The following USP37 variants were observed in gnomAD, a reference collection of about 807,000 sequenced individuals.
The protein encoded by USP37 is ubiquitin carboxyl-terminal hydrolase 37.
A neutral mutation model predicts 124.0 loss-of-function variants in USP37; 27 were observed. The observed-to-expected ratio is 0.22, with a 90% CI of 0.16 to 0.30. The LOEUF is 0.30. USP37 is among the 10% of genes least tolerant of loss of function. The pLI is 1.00. For missense variants in USP37, 889 were observed against 1,140.4 expected, an observed-to-expected ratio of 0.78 and a Z score of 3.17; for synonymous variants, 365 against 388.0, an observed-to-expected ratio of 0.94 and a Z score of 0.70.
At chr2:218,560,160 C>A (rs547040722) in intron 3 of USP37, among the ~76,000 whole-genome samples, 2 of 152,006 alleles carry the variant, frequency 1.3e-5, no homozygotes, top group Non-Finnish European at 2.9e-5. Context: ...TTTAAAATTG[C>A]GAACTCAAAT....
In USP37 at chr2:218,452,098, A is replaced by G. The variant is rs1689500203; in HGVS notation, c.*2832T>C. The G allele has an allele frequency of 6.6e-6, 1 of 152,558 alleles. No individual in the cohort carries two copies. 9.5% of individuals were successfully genotyped at this position (152,558 alleles called of 1,614,324 possible). A position where few individuals can be genotyped will look rare whatever the true frequency, so the allele number is the denominator to read the frequency against. ...TCAGTACTATTAGGTGATTAAAATC[A>G]ACAAATATGAAGTTTAGTTCATTTT... On this transcript the variant is annotated 3_prime_UTR_variant, in exon 26 of 26. Coordinates refer to ENST00000258399, the MANE Select transcript of USP37 (RefSeq NM_020935.3).
chr2:218,467,725 C>T (rs559763407), intron 20 of USP37, among the ~76,000 whole-genome samples: 196 of 152,198 alleles, frequency 1.3e-3, no homozygotes, highest in South Asian at 0.011. Flanking sequence ...CTCAGGTGAT[C>T]CACCTGCCTT....
At chr2:218,515,982 A>G (rs1234260481) in intron 10 of USP37, among the ~76,000 whole-genome samples, 1 of 152,226 alleles carries the variant, frequency 6.6e-6, no homozygotes, top group Non-Finnish European at 1.5e-5. Flanking sequence ...CAAAACCACA[A>G]TGAGATACCA....
rs1191170090 is a variant in USP37 at position 218,564,829 on chromosome 2, TTG to T, written c.-229-2018_-229-2017del. Among the ~76,000 whole-genome samples the T allele has an allele frequency of 3.3e-5, 5 of 152,340 alleles. No individual in the cohort carries two copies. The East Asian group carries it at 9.6e-4, about 29-fold the overall frequency. ...TAGAAAATAAAATAAATCCAAATGCTTGTGTTTGGTATTCATACACCTCCATT... is the reference window on the plus strand; with the variant it reads ...TAGAAAATAAAATAAATCCAAATGCTTGTTTGGTATTCATACACCTCCATT... On this transcript the variant is annotated intron_variant, in intron 1 of 25. Coordinates refer to ENST00000258399, the MANE Select transcript of USP37 (RefSeq NM_020935.3).
chr2:218,454,896 T>C lies in USP37; in HGVS notation c.*34A>G, dbSNP rs1689607484. The stretch of plus-strand genomic sequence containing the variant: ...GTGAGGTGGGCAGCAGTAACAAATA[T>C]GCAGTGCATGCTGCCAACCCAGGAG... On this transcript the variant is annotated 3_prime_UTR_variant, in exon 26 of 26. Transcript: ENST00000258399. The C allele has an allele frequency of 1.2e-6, 2 of 1,608,652 alleles. No homozygotes were observed. The highest frequency in any genetic ancestry group is 1.3e-5 in the African/African-American group (1 of 74,502).
chr2:218,560,505 T>C (rs1693251677), intron 3 of USP37, among the ~76,000 whole-genome samples: 1 of 152,220 alleles, frequency 6.6e-6, no homozygotes, highest in Non-Finnish European at 1.5e-5. Context: ...ATGTCTGTTT[T>C]CTGAATTTAT....
chr2:218,493,433 C>T (rs978536387), intron 14 of USP37, among the ~76,000 whole-genome samples: 2 of 152,144 alleles, frequency 1.3e-5, no homozygotes, highest in African/African-American at 4.8e-5. Context: ...TGCCTAACAC[C>T]ACTGGCACAG....
chr2:218,489,518 G>A (rs1691796385), intron 14 of USP37, among the ~76,000 whole-genome samples: 1 of 151,596 alleles, frequency 6.6e-6, no homozygotes, highest in Non-Finnish European at 1.5e-5. Context: ...TTCTGCTTTT[G>A]TTGCCCAAGC....
chr2:218,488,729 G>A (rs763024938), intron 14 of USP37, among the ~76,000 whole-genome samples: 9 of 152,010 alleles, frequency 5.9e-5, no homozygotes, highest in Non-Finnish European at 1.2e-4. Context: ...TCCGCCTCCC[G>A]GGTTCAAGCG....
chr2:218,544,680 G>C (rs939636364), intron 8 of USP37, among the ~76,000 whole-genome samples: 4 of 152,096 alleles, frequency 2.6e-5, no homozygotes, highest in East Asian at 1.9e-4. Flanking sequence ...CCAGACAACA[G>C]AATCAGACTG....
At chr2:218,543,195 A>C (rs555124877) in intron 8 of USP37, among the ~76,000 whole-genome samples, 2 of 152,294 alleles carry the variant, frequency 1.3e-5, no homozygotes, top group South Asian at 4.2e-4. Flanking sequence ...ATCAGCTTGC[A>C]ATCAGTGATG....
chr2:218,538,960 T>C (rs556298729), intron 8 of USP37, among the ~76,000 whole-genome samples: 1 of 152,072 alleles, frequency 6.6e-6, no homozygotes, highest in Admixed American at 6.5e-5. Context: ...ACAAATTTAA[T>C]GCTACTTTAT....
chr2:218,548,683 A>G (rs1692507657), intron 6 of USP37, among the ~76,000 whole-genome samples: 1 of 151,926 alleles, frequency 6.6e-6, no homozygotes, highest in Admixed American at 6.6e-5. Context: ...TATTATAAAT[A>G]TGTATAAATA....
chr2:218,457,242 C>G lies in USP37; in HGVS notation c.2644-81G>C, dbSNP rs1689748100. 1.6e-5 allele frequency: 22 copies of G among 1,358,504 alleles called. No individual in the cohort carries two copies. In the South Asian group the frequency reaches 2.0e-4, roughly 12 times the overall value. The allele number at this position is 1,358,504 out of a possible 1,614,324, so 84.2% of individuals were successfully genotyped here. ...ACTGAATATAAATTTATTATCAAAGCTGACATGGCTAAGCTTTGGTATGTG... is the reference window on the plus strand; with the variant it reads ...ACTGAATATAAATTTATTATCAAAGGTGACATGGCTAAGCTTTGGTATGTG... On this transcript the variant is annotated intron_variant, in intron 23 of 25. Coordinates refer to ENST00000258399, the MANE Select transcript of USP37 (RefSeq NM_020935.3).
intron 11 of USP37, among the ~76,000 whole-genome samples, chr2:218,508,563 T>C (rs1241945111): frequency 6.6e-6 from 1 of 151,920 alleles, no homozygotes; most frequent in African/African-American, 2.4e-5. Context: ...AAGATCAGGG[T>C]AGACAGAGAC....
At chr2:218,533,682 C>G (rs1296252964) in intron 9 of USP37, among the ~76,000 whole-genome samples, 1 of 152,132 alleles carries the variant, frequency 6.6e-6, no homozygotes, top group Non-Finnish European at 1.5e-5. Context: ...GAGTCAATGT[C>G]ACAATCCCAA....
At chr2:218,496,123 A>T (rs1459460945) in intron 13 of USP37, among the ~76,000 whole-genome samples, 173 bp from the exon 14 acceptor site, 2 of 152,102 alleles carry the variant, frequency 1.3e-5, no homozygotes, top group African/African-American at 2.4e-5. Context: ...GTGAAATGCC[A>T]TCTTTATTAA....
intron 14 of USP37, among the ~76,000 whole-genome samples, chr2:218,494,072 A>C (rs1352282675): frequency 6.6e-6 from 1 of 152,238 alleles, no homozygotes; most frequent in Non-Finnish European, 1.5e-5. Context: ...CCATACTTGC[A>C]AGATCCGGAT....
intron 14 of USP37, among the ~76,000 whole-genome samples, chr2:218,489,708 G>A (rs908856068): frequency 6.6e-6 from 1 of 151,890 alleles, no homozygotes; most frequent in African/African-American, 2.4e-5. Context: ...TGGAACTCCT[G>A]ACCTCGTGAT....
Sources: gnomAD v4.1 joint callset for allele counts (sites outside exome capture counted in the v4.1 genomes callset) on GRCh38, gnomAD v4.1.1 for gene constraint, MANE v1.5 for transcripts, NCBI Gene and HGNC (gene_info 2026-07-23, HGNC 2026-07-21) for gene names.